Variants in SYT9 observed in about 807,000 individuals in gnomAD.
SYT9 encodes synaptotagmin-9.
SYT9 carries 22 observed loss-of-function variants against 48.4 expected under a neutral mutation model. The ratio of observed to expected loss-of-function variants is 0.45; its 90% CI spans 0.32 to 0.65. The LOEUF is 0.65. Among genes scored for constraint, SYT9 ranks in the 30% least tolerant of loss-of-function variants. SYT9 has a pLI of 0.03. For missense variants in SYT9, 577 were observed against 622.0 expected, an observed-to-expected ratio of 0.93 and a Z score of 0.77; for synonymous variants, 265 against 245.0, an observed-to-expected ratio of 1.08 and a Z score of -0.76.
At chr11:7,318,606 G>A (rs1849282579) in intron 3 of SYT9, among the ~76,000 whole-genome samples, 1 of 152,106 alleles carries the variant, frequency 6.6e-6, no homozygotes, top group African/African-American at 2.4e-5. Context: ...GAGCCACCGC[G>A]CCCAGCCTTA....
intron 3 of SYT9, among the ~76,000 whole-genome samples, chr11:7,355,475 A>G (rs571295786): frequency 6.6e-6 from 1 of 152,342 alleles, no homozygotes; most frequent in East Asian, 1.9e-4. Context: ...TTCTGGCCTC[A>G]ACTCAAATCT....
At chr11:7,459,556 C>T (rs1848205900) in intron 6 of SYT9, among the ~76,000 whole-genome samples, 1 of 152,186 alleles carries the variant, frequency 6.6e-6, no homozygotes, top group South Asian at 2.1e-4. Flanking sequence ...TAAGAACTGA[C>T]ATTGGGTTTA....
At chr11:7,424,740 A>G (rs1847422121) in intron 6 of SYT9, among the ~76,000 whole-genome samples, 1 of 152,200 alleles carries the variant, frequency 6.6e-6, no homozygotes, top group Non-Finnish European at 1.5e-5. Flanking sequence ...TCCAAACACC[A>G]AAGTTCTACT....
At chr11:7,249,153 A>C (rs149987953), upstream of SYT9, among the ~76,000 whole-genome samples, 485 of 152,244 alleles carry the variant, frequency 3.2e-3, 3 homozygotes, top group Non-Finnish European at 3.7e-3. Flanking sequence ...TGACATCGGG[A>C]ATTAGGGCTT....
intron 1 of SYT9, among the ~76,000 whole-genome samples, chr11:7,257,284 T>C (rs1280155760): frequency 6.6e-6 from 1 of 152,164 alleles, no homozygotes; most frequent in South Asian, 2.1e-4. Flanking sequence ...TATCAACTGA[T>C]TCTTAACTTT....
chr11:7,409,722 TTTTCA>T (rs1392632349), intron 3 of SYT9, among the ~76,000 whole-genome samples: 13 of 152,108 alleles, frequency 8.5e-5, no homozygotes, highest in Non-Finnish European at 1.5e-4. Flanking sequence ...AATATCTCCC[TTTTCA>T]TTTCTTGTTT....
intron 6 of SYT9, among the ~76,000 whole-genome samples, chr11:7,432,573 AAAAAAAAAAATATATATAC>A (rs1564901967): frequency 1.1e-3 from 14 of 12,818 alleles, no homozygotes; most frequent in African/African-American, 4.6e-3. Flanking sequence ...AAAAAAAAAA[AAAAAAAAAAATATATATAC>A]ATATATATAT....
chr11:7,244,132 G>C (rs1046027774), intron 1 of SYT9, among the ~76,000 whole-genome samples: 37 of 152,076 alleles, frequency 2.4e-4, no homozygotes, highest in African/African-American at 8.7e-4. Context: ...CCTGGAACAT[G>C]GCCCTCTGTT....
At chr11:7,328,269 A>G (rs1472253783) in intron 3 of SYT9, among the ~76,000 whole-genome samples, 1 of 151,948 alleles carries the variant, frequency 6.6e-6, no homozygotes, top group African/African-American at 2.4e-5. Context: ...AGATTAGTAT[A>G]TTTATGTCAT....
intron 6 of SYT9, among the ~76,000 whole-genome samples, chr11:7,466,156 C>G (rs563728238): frequency 1.3e-5 from 2 of 152,326 alleles, no homozygotes; most frequent in African/African-American, 4.8e-5. Context: ...CTTTCCTCTA[C>G]CCCAAGTGAC....
At chr11:7,449,138 G>GT (rs893048150) in intron 6 of SYT9, among the ~76,000 whole-genome samples, 5 of 151,894 alleles carry the variant, frequency 3.3e-5, no homozygotes, top group African/African-American at 1.2e-4. Flanking sequence ...GAAATCAGGA[G>GT]TTTGAGACCA....
At chr11:7,270,810 A>G (rs1370493889) in intron 1 of SYT9, among the ~76,000 whole-genome samples, 1 of 147,624 alleles carries the variant, frequency 6.8e-6, no homozygotes. Flanking sequence ...ACTGACTTTG[A>G]TGTTTAGATG....
intron 3 of SYT9, among the ~76,000 whole-genome samples, chr11:7,331,606 C>A (rs1461100396): frequency 1.3e-5 from 2 of 152,020 alleles, no homozygotes; most frequent in African/African-American, 4.8e-5. Flanking sequence ...TGCCTATAGT[C>A]CCACCTACTT....
At chr11:7,314,591 C>T (rs1006942721) in intron 3 of SYT9, among the ~76,000 whole-genome samples, 2 of 152,182 alleles carry the variant, frequency 1.3e-5, no homozygotes, top group Non-Finnish European at 2.9e-5. Context: ...TGGTACCATA[C>T]GTCTATGTCT....
intron 1 of SYT9, among the ~76,000 whole-genome samples, chr11:7,255,314 A>T (rs1847947696): frequency 8.4e-6 from 1 of 119,620 alleles, no homozygotes; most frequent in African/African-American, 2.9e-5. Flanking sequence ...TGTGAAACAG[A>T]TGGAGAGTGA....
intron 6 of SYT9, among the ~76,000 whole-genome samples, chr11:7,428,419 C>T (rs867757041): frequency 6.6e-6 from 1 of 152,166 alleles, no homozygotes; most frequent in Non-Finnish European, 1.5e-5. Context: ...CATGATAGGC[C>T]AGTTCTTTCC....
intron 6 of SYT9, among the ~76,000 whole-genome samples, chr11:7,463,543 T>C (rs1270641700): frequency 6.6e-6 from 1 of 152,222 alleles, no homozygotes; most frequent in Non-Finnish European, 1.5e-5. Flanking sequence ...CTGAGACAAC[T>C]TTTTCAGAAC....
chr11:7,413,798 A>G (rs1847187106), intron 3 of SYT9, among the ~76,000 whole-genome samples: 1 of 147,708 alleles, frequency 6.8e-6, no homozygotes, highest in South Asian at 2.1e-4. Context: ...GCATCTTGCT[A>G]GATTGCCTAA....
rs1287274223 is a variant in SYT9, at chr11:7,407,537, C to T, written c.1045-8505C>T. ...CTGGGACTACAGGCGCCCGCCACCG[C>T]GCCCGGCTAATTTTTTGTATTTTTA... On this transcript the variant is annotated intron_variant, in intron 3 of 6. Coordinates refer to ENST00000318881, the MANE Select transcript of SYT9 (RefSeq NM_175733.4). 8.0e-5 allele frequency among the ~76,000 whole-genome samples: 8 copies of T among 99,636 alleles called. 1 individual carries two copies. The highest frequency in any genetic ancestry group is 1.5e-4 in the Non-Finnish European group (8 of 52,882). 65.4% of individuals were successfully genotyped at this position (99,636 alleles called of 152,430 possible).
Sources: gnomAD v4.1 joint callset for allele counts (sites outside exome capture counted in the v4.1 genomes callset) on GRCh38, gnomAD v4.1.1 for gene constraint, MANE v1.5 for transcripts, NCBI Gene and HGNC (gene_info 2026-07-23, HGNC 2026-07-21) for gene names.